Variants in PAAF1 observed in about 807,000 individuals in gnomAD.
PAAF1 encodes proteasomal ATPase-associated factor 1.
In PAAF1, 46 loss-of-function variants were observed where a neutral mutation model predicts 52.8. That is an observed-to-expected ratio of 0.87 (90% CI 0.69 to 1.11). The LOEUF is 1.11. Among genes scored for constraint, PAAF1 ranks in the 50% most tolerant of loss-of-function variants. The pLI, the probability that PAAF1 is intolerant of heterozygous loss-of-function variation, is 0.00. For synonymous variants in PAAF1, 178 were observed against 172.8 expected, an observed-to-expected ratio of 1.03 and a Z score of -0.24; for missense variants, 424 against 477.4, an observed-to-expected ratio of 0.89 and a Z score of 1.04.
intron 5 of PAAF1, among the ~76,000 whole-genome samples, chr11:73,900,032 G>A (rs1412921812): frequency 6.6e-6 from 1 of 151,676 alleles, no homozygotes; most frequent in African/African-American, 2.4e-5. Context: ...AGGCTCTGGG[G>A]TGTTTTTACA....
chr11:73,877,868 A>G (rs1565121249), intron 1 of PAAF1, among the ~76,000 whole-genome samples: 1 of 152,230 alleles, frequency 6.6e-6, no homozygotes, highest in Non-Finnish European at 1.5e-5. Flanking sequence ...CCTGGGTGAC[A>G]GAGCGATACT....
At chr11:73,902,530 C>T (rs1331049093) in intron 6 of PAAF1, among the ~76,000 whole-genome samples, 1 of 152,150 alleles carries the variant, frequency 6.6e-6, no homozygotes, top group African/African-American at 2.4e-5. Flanking sequence ...ACTTAATTAA[C>T]AAGATGCATA....
chr11:73,897,157 G>A (rs1055009628), intron 4 of PAAF1, among the ~76,000 whole-genome samples: 4 of 136,624 alleles, frequency 2.9e-5, no homozygotes, highest in East Asian at 2.4e-4. Context: ...CTCACCTCCC[G>A]GACGGGGCGG....
intron 7 of PAAF1, among the ~76,000 whole-genome samples, chr11:73,914,158 A>G (rs1415523057): frequency 3.3e-5 from 5 of 152,242 alleles, no homozygotes; most frequent in African/African-American, 1.2e-4. Flanking sequence ...TTCCTTGGCT[A>G]CTGGATACCA....
intron 4 of PAAF1, among the ~76,000 whole-genome samples, chr11:73,893,680 T>C (rs764855704): frequency 1.5e-5 from 2 of 132,888 alleles, no homozygotes; most frequent in Non-Finnish European, 3.0e-5. Context: ...GAGGTTGCAG[T>C]GAGCCAAGAT....
At chr11:73,917,135 C>T (rs1173543455) in intron 9 of PAAF1, among the ~76,000 whole-genome samples, 1 of 152,158 alleles carries the variant, frequency 6.6e-6, no homozygotes, top group African/African-American at 2.4e-5. Flanking sequence ...ATTCTCCTGC[C>T]TCAGCCTCCT....
At chr11:73,903,977 G>C (rs1372749819) in intron 6 of PAAF1, among the ~76,000 whole-genome samples, 1 of 151,474 alleles carries the variant, frequency 6.6e-6, no homozygotes, top group Non-Finnish European at 1.5e-5. Flanking sequence ...CCAGCTACTT[G>C]GAAAGCTGAG....
At chr11:73,923,863 T>C (rs1265720682) in intron 10 of PAAF1, among the ~76,000 whole-genome samples, 1 of 152,192 alleles carries the variant, frequency 6.6e-6, no homozygotes, top group East Asian at 1.9e-4. Context: ...TTTCTCCTAG[T>C]GTATACAGTC....
At chr11:73,907,635 TACTTA>T (rs369297483) in intron 6 of PAAF1, among the ~76,000 whole-genome samples, 5 of 152,298 alleles carry the variant, frequency 3.3e-5, no homozygotes, top group African/African-American at 1.2e-4. Flanking sequence ...GACAGTACCC[TACTTA>T]ACCTGGTCAA....
chr11:73,926,390 G>A (rs563439291), intron 11 of PAAF1, among the ~76,000 whole-genome samples: 2 of 151,026 alleles, frequency 1.3e-5, no homozygotes, highest in African/African-American at 2.4e-5. Context: ...GAGCCACCGC[G>A]CCCAGCCATC....
chr11:73,895,677 T>G (rs1949324495), intron 4 of PAAF1, among the ~76,000 whole-genome samples: 1 of 152,256 alleles, frequency 6.6e-6, no homozygotes, highest in South Asian at 2.1e-4. Context: ...GTGTCTGGAA[T>G]TGCATATCTT....
Position 73,916,617 on chromosome 11 carries a change from A to T in PAAF1, c.892A>T (p.Thr298Ser), listed in dbSNP as rs756790463. 6.2e-7 allele frequency: 1 copy of T among 1,613,882 alleles called. No individual in the cohort carries two copies. The change falls in exon 9 of 12, where the codon ACT becomes TCT. Residue 298 changes from threonine to serine, a missense_variant. Transcript: ENST00000310571. ...FLSGFLLLAG[T>S]QDGNIYQLDV... ...CTCTGGCTTCTTGCTATTGGCTGGGACTCAAGATGGAAACATTTATCAGCT... is the reference window on the plus strand; with the variant it reads ...CTCTGGCTTCTTGCTATTGGCTGGGTCTCAAGATGGAAACATTTATCAGCT...
chr11:73,909,319 A>T, intron 6 of PAAF1, 80 bp from the exon 7 acceptor site: 1 of 1,308,434 alleles, frequency 7.6e-7, no homozygotes. Flanking sequence ...GGATGGAGTC[A>T]TTTATGCAGC....
intron 2 of PAAF1, chr11:73,880,324 A>G (rs922302114): frequency 8.6e-5 from 13 of 152,004 alleles, no homozygotes; most frequent in African/African-American, 2.9e-4. Context: ...ACACATATAC[A>G]TATGTATACT....
chr11:73,924,573 C>T (rs777649513), intron 10 of PAAF1, 42 bp from the exon 11 acceptor site: 57 of 1,487,734 alleles, frequency 3.8e-5, no homozygotes, highest in Admixed American at 5.0e-5. Context: ...ACTCTGGATG[C>T]AGTTTTCTCT....
intron 4 of PAAF1, among the ~76,000 whole-genome samples, chr11:73,894,933 G>T (rs1591064647): frequency 6.6e-6 from 1 of 152,186 alleles, no homozygotes; most frequent in African/African-American, 2.4e-5. Flanking sequence ...GCAGTGAGCT[G>T]TGATTGTGCC....
chr11:73,915,166 G>C (rs1950030707), intron 8 of PAAF1, among the ~76,000 whole-genome samples: 1 of 152,190 alleles, frequency 6.6e-6, no homozygotes, highest in Non-Finnish European at 1.5e-5. Flanking sequence ...ATGTGATGAG[G>C]ATTAAATGGT....
chr11:73,915,701 G>T (rs907975346), intron 8 of PAAF1, among the ~76,000 whole-genome samples: 4 of 152,144 alleles, frequency 2.6e-5, no homozygotes, highest in African/African-American at 4.8e-5. Context: ...TTTTTGCTGG[G>T]CAGATTATGT....
intron 4 of PAAF1, among the ~76,000 whole-genome samples, chr11:73,896,787 T>C (rs1402958189): frequency 6.6e-6 from 1 of 152,218 alleles, no homozygotes; most frequent in African/African-American, 2.4e-5. Context: ...ATTGTCCTCA[T>C]GGCCCGTTCT....
Sources: allele counts gnomAD v4.1 joint callset (sites outside exome capture counted in the v4.1 genomes callset), GRCh38; gene constraint gnomAD v4.1.1; transcripts MANE v1.5; gene names NCBI Gene and HGNC (gene_info 2026-07-23, HGNC 2026-07-21).